The following TMEM117 variants were observed in gnomAD, a reference collection of about 807,000 sequenced individuals.
TMEM117 encodes transmembrane protein 117.
Under a neutral mutation model 52.4 loss-of-function variants are expected in TMEM117, and 27 were observed. The observed-to-expected ratio is 0.51, with a 90% CI of 0.38 to 0.71. The LOEUF is 0.71. Ranked by LOEUF, TMEM117 falls within the 30% of genes least tolerant of loss-of-function variation. TMEM117 has a pLI of 0.00. For missense variants in TMEM117, 556 were observed against 630.5 expected, an observed-to-expected ratio of 0.88 and a Z score of 1.26; for synonymous variants, 215 against 206.3, an observed-to-expected ratio of 1.04 and a Z score of -0.36.
At chr12:44,192,658 A>G (rs558859630) in intron 4 of TMEM117, among the ~76,000 whole-genome samples, 15 of 152,160 alleles carry the variant, frequency 9.9e-5, no homozygotes, top group Non-Finnish European at 1.6e-4. Flanking sequence ...AATTAGTTTG[A>G]AAAAATATTA....
chr12:44,036,460 G>A (rs1047391243), intron 3 of TMEM117, among the ~76,000 whole-genome samples: 24 of 152,230 alleles, frequency 1.6e-4, no homozygotes, highest in South Asian at 2.1e-4. Context: ...CAATTAATAT[G>A]TTATTTTTCA....
intron 3 of TMEM117, among the ~76,000 whole-genome samples, chr12:44,074,908 G>A (rs1258415148): frequency 6.6e-6 from 1 of 152,152 alleles, no homozygotes; most frequent in Non-Finnish European, 1.5e-5. Flanking sequence ...GAGAAAGGAT[G>A]TAAACCCCAC....
At chr12:44,135,065 T>C (rs1192757514) in intron 3 of TMEM117, among the ~76,000 whole-genome samples, 22 of 152,174 alleles carry the variant, frequency 1.4e-4, no homozygotes, top group Admixed American at 1.4e-3. Flanking sequence ...CTTCTCTTGC[T>C]TTGTCTGCAG....
chr12:44,048,379 T>C (rs577133040), intron 3 of TMEM117, among the ~76,000 whole-genome samples: 16 of 152,322 alleles, frequency 1.1e-4, no homozygotes, highest in African/African-American at 3.8e-4. Context: ...CCATCTCTCT[T>C]TTTTCACTTT....
chr12:44,237,304 G>A (rs989128624), intron 5 of TMEM117, among the ~76,000 whole-genome samples: 2 of 151,710 alleles, frequency 1.3e-5, no homozygotes, highest in Non-Finnish European at 2.9e-5. Context: ...GCCCCCGGAC[G>A]TTGTTCGAAT....
chr12:44,178,001 A>G (rs1267705726), intron 4 of TMEM117, among the ~76,000 whole-genome samples: 3 of 152,318 alleles, frequency 2.0e-5, no homozygotes, highest in African/African-American at 7.2e-5. Flanking sequence ...AAACTCTTAT[A>G]TAATTAAAGA....
intron 3 of TMEM117, among the ~76,000 whole-genome samples, chr12:44,041,047 C>G (rs1279931197): frequency 6.6e-6 from 1 of 152,148 alleles, no homozygotes; most frequent in Non-Finnish European, 1.5e-5. Flanking sequence ...GCTACTTGAT[C>G]TACTGCAAAA....
chr12:43,913,330 G>C (rs148646656), intron 2 of TMEM117, among the ~76,000 whole-genome samples: 6 of 152,230 alleles, frequency 3.9e-5, no homozygotes, highest in African/African-American at 1.4e-4. Flanking sequence ...AATAAACATT[G>C]CTTGAAACAA....
At chr12:44,249,385 G>A (rs1358332599) in intron 5 of TMEM117, among the ~76,000 whole-genome samples, 2 of 152,080 alleles carry the variant, frequency 1.3e-5, no homozygotes, top group Admixed American at 6.5e-5. Context: ...TGGATAGGAA[G>A]AATCAATATC....
chr12:44,188,407 T>C (rs777773853), intron 4 of TMEM117, among the ~76,000 whole-genome samples: 1 of 152,154 alleles, frequency 6.6e-6, no homozygotes, highest in Non-Finnish European at 1.5e-5. Flanking sequence ...TGAGACAGGA[T>C]CTGAGAGTAT....
chr12:44,171,046 C>T (rs1384434963), intron 4 of TMEM117, among the ~76,000 whole-genome samples: 3 of 141,890 alleles, frequency 2.1e-5, no homozygotes, highest in Non-Finnish European at 3.0e-5. Flanking sequence ...GACGGAGTCT[C>T]GCTCTGTCGC....
intron 6 of TMEM117, among the ~76,000 whole-genome samples, chr12:44,301,669 C>A (rs1433524691): frequency 6.6e-6 from 1 of 152,136 alleles, no homozygotes; most frequent in Non-Finnish European, 1.5e-5. Context: ...GGAATCCAGA[C>A]CTAGCATTTA....
the TMEM117 span, chr12:43,798,484 T>C: frequency 7.2e-7 from 1 of 1,392,694 alleles, no homozygotes; most frequent in Non-Finnish European, 9.5e-7. Context: ...GAAATTTTAC[T>C]TTTAAAAAAA....
In TMEM117 at chr12:44,095,595, A is replaced by G. The variant is rs547843831; in HGVS notation, c.411-47930A>G. 3.2e-4 allele frequency among the ~76,000 whole-genome samples: 48 copies of G among 152,174 alleles called. 3 individuals are homozygous for G. The South Asian group carries it at 9.1e-3, about 29-fold the overall frequency. On this transcript the variant is annotated intron_variant, in intron 3 of 7. Coordinates refer to ENST00000266534, the MANE Select transcript of TMEM117 (RefSeq NM_032256.3). Reference sequence around the variant, plus strand: ...GAAAGTAGGCCTTTAGATTCAAGAGAAAGTTGCAGAGAAAAAGCCTGGAAG... The same window carrying G: ...GAAAGTAGGCCTTTAGATTCAAGAGGAAGTTGCAGAGAAAAAGCCTGGAAG...
chr12:44,047,606 C>T (rs772777670), intron 3 of TMEM117, among the ~76,000 whole-genome samples: 1 of 152,028 alleles, frequency 6.6e-6, no homozygotes. Flanking sequence ...TTAAAAAATT[C>T]TTGCTTTGTA....
chr12:44,140,695 T>C (rs993880163), intron 3 of TMEM117, among the ~76,000 whole-genome samples: 10 of 152,150 alleles, frequency 6.6e-5, no homozygotes, highest in African/African-American at 2.4e-4. Context: ...GGTCATCAAA[T>C]GGCCTGGGTA....
chr12:44,096,114 T>C (rs1051834579), intron 3 of TMEM117, among the ~76,000 whole-genome samples: 2 of 152,160 alleles, frequency 1.3e-5, no homozygotes, highest in South Asian at 2.1e-4. Context: ...CCATTCACAA[T>C]TGCTTCAAAG....
intron 3 of TMEM117, among the ~76,000 whole-genome samples, chr12:44,078,389 C>T (rs1229361498): frequency 1.3e-5 from 2 of 152,190 alleles, no homozygotes; most frequent in African/African-American, 4.8e-5. Flanking sequence ...TGACACAGCT[C>T]TTTAACGTTC....
At chr12:43,995,160 ACTCAGGAGG>A (rs1463451707) in intron 3 of TMEM117, among the ~76,000 whole-genome samples, 1 of 151,510 alleles carries the variant, frequency 6.6e-6, no homozygotes, top group Non-Finnish European at 1.5e-5. Context: ...AGTCCCAGTT[ACTCAGGAGG>A]CTGAGGGAGG....
Sources: allele counts gnomAD v4.1 joint callset (sites outside exome capture counted in the v4.1 genomes callset), GRCh38; gene constraint gnomAD v4.1.1; transcripts MANE v1.5; gene names NCBI Gene and HGNC (gene_info 2026-07-23, HGNC 2026-07-21).